Variants in GRIK3 observed in about 807,000 individuals in gnomAD.
GRIK3 encodes the protein glutamate ionotropic receptor kainate type subunit 3.
Under a neutral mutation model 102.5 loss-of-function variants are expected in GRIK3, and 29 were observed. That is an observed-to-expected ratio of 0.28 (90% CI 0.21 to 0.39). GRIK3 has a LOEUF of 0.39. GRIK3 is among the 10% of genes least tolerant of loss of function. The probability of loss-of-function intolerance (pLI) is 1.00; values close to 1 mark genes in which losing one functional copy is unlikely to be tolerated. For missense variants in GRIK3, 908 were observed against 1,252.4 expected (o/e 0.73, Z 4.15); for synonymous variants, 511 against 504.9 (o/e 1.01, Z -0.16).
intron 1 of GRIK3, among the ~76,000 whole-genome samples, chr1:36,891,772 A>G (rs1641119806): frequency 6.6e-6 from 1 of 152,226 alleles, no homozygotes; most frequent in South Asian, 2.1e-4. Flanking sequence ...AACATTTGTA[A>G]AGAAAGAAAT....
chr1:36,890,416 A>G (rs1158147001), intron 2 of GRIK3, among the ~76,000 whole-genome samples: 1 of 151,926 alleles, frequency 6.6e-6, no homozygotes, highest in East Asian at 1.9e-4. Flanking sequence ...GTGAGCAGAG[A>G]TCGCACCACT....
intron 1 of GRIK3, among the ~76,000 whole-genome samples, chr1:37,013,374 AGCCCG>A (rs1256386313): frequency 6.6e-6 from 1 of 152,250 alleles, no homozygotes; most frequent in Non-Finnish European, 1.5e-5. Flanking sequence ...TGAGCCAGAC[AGCCCG>A]GCATCTTGTC....
intron 1 of GRIK3, among the ~76,000 whole-genome samples, chr1:36,916,095 A>G (rs976682904): frequency 6.6e-6 from 1 of 152,200 alleles, no homozygotes; most frequent in East Asian, 1.9e-4. Context: ...GTGATCTCAG[A>G]TGGAGATGAG....
intron 1 of GRIK3, among the ~76,000 whole-genome samples, chr1:36,908,102 G>A (rs1423835925): frequency 6.6e-6 from 1 of 152,182 alleles, no homozygotes; most frequent in African/African-American, 2.4e-5. Context: ...GCAAAGGCTA[G>A]ATCTTGGCAG....
At chr1:36,851,078 C>A (rs1640579330) in intron 8 of GRIK3, among the ~76,000 whole-genome samples, 2 of 152,206 alleles carry the variant, frequency 1.3e-5, no homozygotes, top group African/African-American at 2.4e-5. Context: ...CCAACTCTGG[C>A]CAGCTCTGCC....
At chr1:36,873,137 CT>C (rs1178015706) in intron 3 of GRIK3, among the ~76,000 whole-genome samples, 1 of 152,212 alleles carries the variant, frequency 6.6e-6, no homozygotes. Context: ...CCTCATTCCC[CT>C]CATCCTGCCA....
intron 1 of GRIK3, among the ~76,000 whole-genome samples, chr1:36,988,658 T>C (rs1642331689): frequency 6.6e-6 from 1 of 152,256 alleles, no homozygotes; most frequent in African/African-American, 2.4e-5. Context: ...TCTTCACACA[T>C]AGAATAATGA....
At position 36,800,204 on chromosome 1, in the gene GRIK3, C is replaced by T. The variant is rs1279655946; in HGVS notation, c.*1647G>A. The T allele has an allele frequency of 6.6e-6, 1 of 152,160 alleles. No homozygotes were observed. The highest frequency in any genetic ancestry group is 2.4e-5 in the African/African-American group (1 of 41,434). 9.4% of individuals were successfully genotyped at this position (152,160 alleles called of 1,614,324 possible). On this transcript the variant is annotated 3_prime_UTR_variant, in exon 16 of 16. Transcript: ENST00000373091. ...GAAGCTCTTCCCTAACCGGGCTTCC[C>T]AAGCAGCATGGGACAGAGGTGGGAG...
chr1:37,019,205 T>A (rs1324722521), intron 1 of GRIK3, among the ~76,000 whole-genome samples: 1 of 152,180 alleles, frequency 6.6e-6, no homozygotes, highest in African/African-American at 2.4e-5. Context: ...AAAGTTAAGG[T>A]TCAGTTCTGC....
intron 9 of GRIK3, among the ~76,000 whole-genome samples, chr1:36,848,770 A>G (rs1307048716): frequency 7.7e-6 from 1 of 129,440 alleles, no homozygotes; most frequent in African/African-American, 3.6e-5. Flanking sequence ...CATCCTTTAC[A>G]TTTTTACATC....
intron 5 of GRIK3, among the ~76,000 whole-genome samples, chr1:36,860,384 C>A (rs1570765572): frequency 6.6e-6 from 1 of 152,204 alleles, no homozygotes. Context: ...AAAGGGGAGA[C>A]CTACTAGTTC....
chr1:37,021,112 G>C (rs1286615978), intron 1 of GRIK3, among the ~76,000 whole-genome samples: 2 of 143,642 alleles, frequency 1.4e-5, no homozygotes, highest in East Asian at 4.6e-4. Flanking sequence ...GTGTGTGTGT[G>C]TGTGTGTGTG....
At chr1:36,932,243 C>T (rs1641598996) in intron 1 of GRIK3, among the ~76,000 whole-genome samples, 1 of 152,178 alleles carries the variant, frequency 6.6e-6, no homozygotes, top group African/African-American at 2.4e-5. Context: ...TCATTCGATG[C>T]TTGTTTTAAT....
rs1557699985 is a variant in GRIK3 at position 36,843,555 on chromosome 1, T to C, written c.1327-1616A>G. 2.0e-5 allele frequency among the ~76,000 whole-genome samples: 3 copies of C among 152,286 alleles called. No homozygotes were observed. The East Asian group carries it at 5.8e-4, about 29-fold the overall frequency. ...TCCTTCCCAGTCAGCTGCACCTCTCTCTGGCTTGGCTCTCCTGTCTGTTCC... is the reference window on the plus strand; with the variant it reads ...TCCTTCCCAGTCAGCTGCACCTCTCCCTGGCTTGGCTCTCCTGTCTGTTCC... On this transcript the variant is annotated intron_variant, in intron 9 of 15. Transcript: ENST00000373091.
chr1:36,841,371 C>G (rs931587478), intron 10 of GRIK3, among the ~76,000 whole-genome samples: 1 of 152,196 alleles, frequency 6.6e-6, no homozygotes, highest in Admixed American at 6.5e-5. Context: ...GGGTGCCTTG[C>G]CCCATAGCTG....
intron 3 of GRIK3, among the ~76,000 whole-genome samples, chr1:36,877,339 C>G (rs1640921647): frequency 6.6e-6 from 1 of 152,152 alleles, no homozygotes; most frequent in Non-Finnish European, 1.5e-5. Flanking sequence ...ATTCTGGCCC[C>G]ATGTTCTCTT....
intron 1 of GRIK3, among the ~76,000 whole-genome samples, chr1:36,946,263 C>A (rs150102488): frequency 6.6e-6 from 1 of 152,260 alleles, no homozygotes; most frequent in African/African-American, 2.4e-5. Flanking sequence ...AGATGGGACA[C>A]CTGGGACACC....
At chr1:36,814,318 T>C (rs1225260347) in intron 13 of GRIK3, among the ~76,000 whole-genome samples, 1 of 152,142 alleles carries the variant, frequency 6.6e-6, no homozygotes, top group Admixed American at 6.5e-5. Context: ...GATGGGTTCA[T>C]GCGTTATGCA....
intron 2 of GRIK3, among the ~76,000 whole-genome samples, chr1:36,889,021 C>A (rs1641073572): frequency 6.6e-6 from 1 of 152,050 alleles, no homozygotes. Context: ...TTTTGTGCCT[C>A]CTGCGTGCCA....
Sources: gnomAD v4.1 joint callset for allele counts (sites outside exome capture counted in the v4.1 genomes callset) on GRCh38, gnomAD v4.1.1 for gene constraint, MANE v1.5 for transcripts, NCBI Gene and HGNC (gene_info 2026-07-23, HGNC 2026-07-21) for gene names.